The following UNC13B variants were observed in gnomAD, a reference collection of about 807,000 sequenced individuals.
UNC13B encodes protein unc-13 homolog B.
UNC13B carries 144 observed loss-of-function variants against 211.0 expected under a neutral mutation model. The ratio of observed to expected loss-of-function variants is 0.68; its 90% CI spans 0.60 to 0.78. The LOEUF (loss-of-function observed/expected upper bound fraction) is 0.78, where lower values mean the gene tolerates loss of function less well. Among genes scored for constraint, UNC13B ranks in the 30% least tolerant of loss-of-function variants. The pLI is 0.00. For missense variants in UNC13B, 1,777 were observed against 2,002.0 expected, an observed-to-expected ratio of 0.89 and a Z score of 2.14; for synonymous variants, 709 against 725.8, an observed-to-expected ratio of 0.98 and a Z score of 0.37.
intron 12 of UNC13B, among the ~76,000 whole-genome samples, 161 bp downstream of exon 12, chr9:35,367,154 A>G (rs957209935): frequency 1.3e-5 from 2 of 152,012 alleles, no homozygotes; most frequent in East Asian, 1.9e-4. Context: ...AGAGGAGAGA[A>G]CTCTGCTGAT....
chr9:35,227,818 G>A lies in UNC13B; in HGVS notation c.23-197G>A, dbSNP rs192675204. The A allele has an allele frequency of 6.6e-6, 3 of 455,856 alleles. No homozygotes were observed. The East Asian group carries it at 1.1e-4, about 16-fold the overall frequency. 28.2% of individuals were successfully genotyped at this position (455,856 alleles called of 1,614,324 possible). A position where few individuals can be genotyped will look rare whatever the true frequency, so the allele number is the denominator to read the frequency against. The stretch of plus-strand genomic sequence containing the variant: ...ACAGAGATTTTTGCATTGGATATGA[G>A]ATCAGATTGACTTTTAAGGTCTCGT... On this transcript the variant is annotated intron_variant, in intron 1 of 39. Coordinates refer to ENST00000635942, the MANE Select transcript of UNC13B (RefSeq NM_001371189.2).
intron 6 of UNC13B, among the ~76,000 whole-genome samples, chr9:35,252,046 T>G (rs531133568): frequency 1.1e-4 from 16 of 152,314 alleles, no homozygotes; most frequent in African/African-American, 3.8e-4. Flanking sequence ...TTTTGTAGAC[T>G]TCTGCACATT....
At chr9:35,259,806 G>T (rs1827155848) in intron 7 of UNC13B, among the ~76,000 whole-genome samples, 4 of 109,464 alleles carry the variant, frequency 3.7e-5, no homozygotes, top group South Asian at 3.1e-4. Flanking sequence ...CGGGGGGGGG[G>T]GATTTTGATA....
chr9:35,380,572 T>C lies in UNC13B; in HGVS notation c.10308T>C (p.Asp3436=). 1 of 1,614,216 alleles carries C rather than the reference T, an allele frequency of 6.2e-7. No homozygotes were observed. Among genetic ancestry groups the C allele is most frequent in the South Asian group, 1.1e-5 (1 of 91,078 alleles). Residue 3436 remains aspartate, a synonymous_variant, in exon 18 of 40, where the codon GAT becomes GAC. Transcript: ENST00000635942. ...AACGCCTAAAGCGAGAGTCTGATGA[T>C]TTCCTTGGCCAAACCATCATTGAGG... ...VKQRLKRESD[D]FLGQTIIEVR... is the part of the protein sequence containing the mutation.
intron 26 of UNC13B, among the ~76,000 whole-genome samples, chr9:35,393,509 G>A (rs1328669031): frequency 6.6e-6 from 1 of 151,846 alleles, no homozygotes; most frequent in African/African-American, 2.4e-5. Flanking sequence ...TGAAGATGGA[G>A]AGGTGTGACG....
chr9:35,399,830 C>A, intron 36 of UNC13B, 101 bp downstream of exon 36: 2 of 1,151,810 alleles, frequency 1.7e-6, no homozygotes, highest in Non-Finnish European at 2.6e-6. Context: ...CTTAACACTC[C>A]ACATCCAGAA....
At chr9:35,250,256 G>C (rs1826380600) in intron 6 of UNC13B, among the ~76,000 whole-genome samples, 1 of 152,096 alleles carries the variant, frequency 6.6e-6, no homozygotes, top group Non-Finnish European at 1.5e-5. Flanking sequence ...TGTGCCCATG[G>C]ATATCACCAC....
At chr9:35,225,285 C>T (rs1251845768) in intron 1 of UNC13B, among the ~76,000 whole-genome samples, 3 of 152,052 alleles carry the variant, frequency 2.0e-5, no homozygotes, top group Non-Finnish European at 2.9e-5. Flanking sequence ...CCCAGCCCCC[C>T]GAGTAGCTAG....
At chr9:35,363,729 A>C (rs1833583173) in intron 11 of UNC13B, among the ~76,000 whole-genome samples, 1 of 152,214 alleles carries the variant, frequency 6.6e-6, no homozygotes, top group African/African-American at 2.4e-5. Context: ...CCTAGAAGGC[A>C]ATGTAGTCTC....
chr9:35,265,832 C>CT (rs1037952709), intron 7 of UNC13B, among the ~76,000 whole-genome samples: 1 of 151,902 alleles, frequency 6.6e-6, no homozygotes, highest in African/African-American at 2.4e-5. Context: ...ATTCTTTTTC[C>CT]TTTTTTTGCG....
chr9:35,377,383 C>G, intron 15 of UNC13B, 85 bp from the exon 16 acceptor site: 1 of 1,399,236 alleles, frequency 7.1e-7, no homozygotes, highest in Admixed American at 2.0e-5. Flanking sequence ...AGTTTCTCCA[C>G]TGCTCTGCAG....
rs1834517068 is a variant in UNC13B, at chr9:35,377,639, T to G, written c.10007T>G (p.Val3336Gly). 3.1e-6 allele frequency: 5 copies of G among 1,614,120 alleles called. No homozygotes were observed. Among genetic ancestry groups the G allele is most frequent in the Non-Finnish European group, 4.2e-6 (5 of 1,180,026 alleles). The change falls in exon 16 of 40, where the codon GTG (valine) becomes GGG (glycine). Residue 3336 changes from valine (V) to glycine (G), a missense_variant. Coordinates refer to ENST00000635942, the MANE Select transcript of UNC13B (RefSeq NM_001371189.2). ...KAAHVQQMKT[V>G]KQSVLDGTSK... ...GCCCATGTGCAGCAGATGAAAACAGTGAAGCAGAGTGTACTGGATGGCACC... is the reference window on the plus strand; with the variant it reads ...GCCCATGTGCAGCAGATGAAAACAGGGAAGCAGAGTGTACTGGATGGCACC...
At chr9:35,251,345 G>C (rs558623820) in intron 6 of UNC13B, among the ~76,000 whole-genome samples, 15 of 152,200 alleles carry the variant, frequency 9.9e-5, no homozygotes, top group South Asian at 2.1e-4. Context: ...CAGCACTCTG[G>C]GGGGGCCGAG....
At chr9:35,190,032 A>T (rs938198384) in intron 1 of UNC13B, among the ~76,000 whole-genome samples, 1 of 152,178 alleles carries the variant, frequency 6.6e-6, no homozygotes, top group Non-Finnish European at 1.5e-5. Context: ...CAGGGCCAGG[A>T]TAGCATGCCT....
At chr9:35,402,284 T>G (rs960947266) in intron 37 of UNC13B, among the ~76,000 whole-genome samples, 1 of 146,278 alleles carries the variant, frequency 6.8e-6, no homozygotes, top group Non-Finnish European at 1.5e-5. Flanking sequence ...CTTTTTTTCT[T>G]TTTTTTTTTT....
intron 11 of UNC13B, among the ~76,000 whole-genome samples, chr9:35,364,833 A>T (rs1833673803): frequency 6.6e-6 from 1 of 152,148 alleles, no homozygotes; most frequent in South Asian, 2.1e-4. Flanking sequence ...CATTCAATGT[A>T]GCATGTGTGT....
rs10972362 is a variant in UNC13B, at chr9:35,164,203, G to A, written c.22+1898G>A. ...GGCTAATTTTTGTATTTTTTGTAGAGACAGAGTTTCACTGTGTTGGCTAGG... is the reference window on the plus strand; with the variant it reads ...GGCTAATTTTTGTATTTTTTGTAGAAACAGAGTTTCACTGTGTTGGCTAGG... On this transcript the variant is annotated intron_variant, in intron 1 of 39. Transcript: ENST00000635942. Among the ~76,000 whole-genome samples the A allele has an allele frequency of 7.4e-3, 1,131 of 152,242 alleles. 12 individuals carry two copies. The highest frequency in any genetic ancestry group is 0.025 in the African/African-American group (1,029 of 41,528).
chr9:35,187,773 T>G (rs921733978), intron 1 of UNC13B, among the ~76,000 whole-genome samples: 1 of 152,184 alleles, frequency 6.6e-6, no homozygotes. Context: ...AAGATAAACT[T>G]GGAGCTCCTG....
At chr9:35,300,088 C>G in intron 8 of UNC13B, 78 bp from the exon 9 acceptor site, 1 of 397,628 alleles carries the variant, frequency 2.5e-6, no homozygotes. Context: ...AGTATAAGAA[C>G]AGGAAAAAGA....
Sources: allele counts gnomAD v4.1 joint callset (sites outside exome capture counted in the v4.1 genomes callset), GRCh38; gene constraint gnomAD v4.1.1; transcripts MANE v1.5; gene names NCBI Gene and HGNC (gene_info 2026-07-23, HGNC 2026-07-21).